The following CDCA7L variants were observed in gnomAD, a reference collection of about 807,000 sequenced individuals.
CDCA7L encodes cell division cycle-associated 7-like protein.
Under a neutral mutation model 57.4 loss-of-function variants are expected in CDCA7L, and 44 were observed. The observed-to-expected ratio is 0.77, with a 90% CI of 0.60 to 0.98. The LOEUF (loss-of-function observed/expected upper bound fraction) is 0.98. CDCA7L is among the 50% of genes least tolerant of loss of function. The pLI is 0.00. For synonymous variants in CDCA7L, 236 were observed against 202.8 expected, an observed-to-expected ratio of 1.16 and a Z score of -1.39; for missense variants, 644 against 580.6, an observed-to-expected ratio of 1.11 and a Z score of -1.12.
intron 1 of CDCA7L, among the ~76,000 whole-genome samples, chr7:21,929,762 G>A (rs1785948600): frequency 6.6e-6 from 1 of 150,498 alleles, no homozygotes; most frequent in Non-Finnish European, 1.5e-5. Flanking sequence ...AATCCAACAA[G>A]AGCAGCTAAC....
intron 1 of CDCA7L, among the ~76,000 whole-genome samples, chr7:21,939,553 G>A (rs1042650962): frequency 5.3e-5 from 8 of 152,138 alleles, no homozygotes; most frequent in East Asian, 1.9e-4. Flanking sequence ...TCCTCCTCCA[G>A]GGAGGTCAGC....
chr7:21,921,008 C>G (rs1785632235), intron 1 of CDCA7L, among the ~76,000 whole-genome samples: 1 of 152,090 alleles, frequency 6.6e-6, no homozygotes, highest in Non-Finnish European at 1.5e-5. Context: ...GAGGAGCACC[C>G]CATTTATGGA....
At chr7:21,911,129 A>G (rs546899913) in intron 3 of CDCA7L, among the ~76,000 whole-genome samples, 1 of 143,866 alleles carries the variant, frequency 7.0e-6, no homozygotes, top group Admixed American at 7.5e-5. Flanking sequence ...TCCCGGCTTC[A>G]AGAAATCCTC....
At position 21,901,114 on chromosome 7, in the gene CDCA7L, G is replaced by A; in HGVS notation, c.*1208C>T. The A allele has an allele frequency of 6.2e-7, 1 of 1,613,414 alleles. No individual in the cohort carries two copies. The highest frequency in any genetic ancestry group is 1.3e-5 in the African/African-American group (1 of 75,030). ...AAAAGCCACCCCCGTGGACAGACAA[G>A]AAACCAAACAGACCTACGAGTGCCC... On this transcript the variant is annotated 3_prime_UTR_variant, in exon 10 of 10. Coordinates refer to ENST00000406877, the MANE Select transcript of CDCA7L (RefSeq NM_018719.5).
At chr7:21,939,818 C>T (rs1377304992) in intron 1 of CDCA7L, among the ~76,000 whole-genome samples, 5 of 152,130 alleles carry the variant, frequency 3.3e-5, no homozygotes, top group East Asian at 3.8e-4. Context: ...TTTGTTACCA[C>T]GACTACCATG....
At chr7:21,921,319 T>G (rs1231151313) in intron 1 of CDCA7L, among the ~76,000 whole-genome samples, 2 of 115,660 alleles carry the variant, frequency 1.7e-5, no homozygotes, top group Non-Finnish European at 3.4e-5. Flanking sequence ...GAGTTTCAGA[T>G]AGTCACAAGC....
At chr7:21,942,899 G>C (rs1274026848) in intron 1 of CDCA7L, among the ~76,000 whole-genome samples, 2 of 152,214 alleles carry the variant, frequency 1.3e-5, no homozygotes, top group African/African-American at 4.8e-5. Context: ...GCACTTTGCA[G>C]CTAAGAGACC....
chr7:21,932,317 G>A (rs138998567), intron 1 of CDCA7L, among the ~76,000 whole-genome samples: 1,818 of 152,164 alleles, frequency 0.012, 33 homozygotes, highest in African/African-American at 0.042. Flanking sequence ...ATTTCATGTG[G>A]AACCAAAAAT....
chr7:21,942,778 A>C (rs1227122784), intron 1 of CDCA7L, among the ~76,000 whole-genome samples: 1 of 152,176 alleles, frequency 6.6e-6, no homozygotes, highest in Non-Finnish European at 1.5e-5. Context: ...AACACAGAAC[A>C]ACCAAGGAGC....
rs1408912342 is a variant in CDCA7L at position 21,906,201 on chromosome 7, C to A, written c.921+88G>T. On this transcript the variant is annotated intron_variant, in intron 6 of 9. Coordinates refer to ENST00000406877, the MANE Select transcript of CDCA7L (RefSeq NM_018719.5). ...CTGCCGCAGACCCACGGGGTCAGAA[C>A]CAGCCCTGGGGTGACAGTGACGTGC... The A allele has an allele frequency of 2.0e-5, 27 of 1,334,104 alleles. 1 individual carries two copies. In the South Asian group the frequency reaches 3.6e-4, roughly 18 times the overall value. The allele number at this position is 1,334,104 out of a possible 1,614,324, so 82.6% of individuals were successfully genotyped here.
Position 21,916,819 on chromosome 7 carries a change from G to C in CDCA7L, c.100C>G (p.Pro34Ala). Residue 34 changes from proline to alanine, a missense_variant, in exon 2 of 10, where the codon CCC becomes GCC. Pro to Ala is a conservative substitution (Grantham distance 27). Coordinates refer to ENST00000406877, the MANE Select transcript of CDCA7L (RefSeq NM_018719.5). Reference sequence around the variant, plus strand: ...TCCTCTGACGAGAGGGTTTCCATGGGAACATCATCTCGGAAGCCAACAAAC... The same window carrying C: ...TCCTCTGACGAGAGGGTTTCCATGGCAACATCATCTCGGAAGCCAACAAAC... ...EEFVGFRDDV[P>A]METLSSEESC... The C allele has an allele frequency of 1.2e-6, 2 of 1,614,000 alleles. No homozygotes were observed. Among genetic ancestry groups the C allele is most frequent in the Non-Finnish European group, 1.7e-6 (2 of 1,179,896 alleles).
chr7:21,911,880 CAAT>C, intron 2 of CDCA7L, 126 bp from the exon 3 acceptor site: 1 of 736,874 alleles, frequency 1.4e-6, no homozygotes, highest in South Asian at 1.8e-5. Context: ...GGATGGACAA[CAAT>C]GTGAATGTAC....
At chr7:21,920,956 G>A (rs1785630747) in intron 1 of CDCA7L, among the ~76,000 whole-genome samples, 1 of 152,138 alleles carries the variant, frequency 6.6e-6, no homozygotes, top group Non-Finnish European at 1.5e-5. Flanking sequence ...AAACAGCCCT[G>A]CTGGCCCAGA....
rs1785136351 is a variant in CDCA7L, at chr7:21,906,294, T to C, written c.916A>G (p.Ile306Val). Residue 306 changes from isoleucine to valine, a missense_variant, in exon 6 of 10, where the codon ATT becomes GTT. Coordinates refer to ENST00000406877, the MANE Select transcript of CDCA7L (RefSeq NM_018719.5). ...EFYSFRRRKT[I>V]GGKCREYRRR... ...ATGTATTAGTCAGAAAATACCCCAA[T>C]TGTCTTCCTTCTTCGGAAGCTGTAA... is the stretch of plus-strand genomic sequence containing the variant. 8 of 1,594,320 alleles carry C rather than the reference T, an allele frequency of 5.0e-6. No homozygotes were observed. Among genetic ancestry groups the C allele is most frequent in the South Asian group, 1.1e-5 (1 of 88,824 alleles).
chr7:21,905,519 T>C lies in CDCA7L; in HGVS notation c.1034A>G (p.Tyr345Cys), dbSNP rs760100535. The change falls in exon 7 of 10, where the codon TAT becomes TGT. Residue 345 changes from tyrosine to cysteine, a missense_variant. Coordinates refer to ENST00000406877, the MANE Select transcript of CDCA7L (RefSeq NM_018719.5). ...NVAITVRDKIYDKVLGNTCHQ... is the reference protein window; with the variant it reads ...NVAITVRDKICDKVLGNTCHQ... ...TGTATACTTTACCAGAACTTTATCA[T>C]AGATTTTATCTCGAACAGTTATGGC... 4 of 1,613,934 alleles carry C rather than the reference T, an allele frequency of 2.5e-6. No homozygotes were observed. The highest frequency in any genetic ancestry group is 1.7e-5 in the Admixed American group (1 of 60,024).
chr7:21,902,695 T>TGTTTGTTTGTTCCTTCCATTTCTGTCA, intron 9 of CDCA7L: 1 of 212,408 alleles, frequency 4.7e-6, no homozygotes, highest in Non-Finnish European at 9.5e-6. Context: ...CAGCCTGCCT[T>TGTTTGTTTGTTCCTTCCATTTCTGTCA]GTTTGTTTGT....
In CDCA7L at chr7:21,945,886, C is replaced by G. The variant is rs1279753158; in HGVS notation, c.-82G>C. On this transcript the variant is annotated 5_prime_UTR_variant, in exon 1 of 10. Coordinates refer to ENST00000406877, the MANE Select transcript of CDCA7L (RefSeq NM_018719.5). ...ACCACGGCCCGGCGCACCAAGAACGCCCCGCGCCCGAGCAGCTAGCGCGCT... is the reference window on the plus strand; with the variant it reads ...ACCACGGCCCGGCGCACCAAGAACGGCCCGCGCCCGAGCAGCTAGCGCGCT... 1 of 1,464,176 alleles carries G rather than the reference C, an allele frequency of 6.8e-7. No individual in the cohort carries two copies. The highest frequency in any genetic ancestry group is 2.4e-5 in the Admixed American group (1 of 42,318). 90.7% of individuals were successfully genotyped at this position (1,464,176 alleles called of 1,614,324 possible).
chr7:21,901,632 A>C lies in CDCA7L; in HGVS notation c.*690T>G, dbSNP rs564479595. 1 of 160,676 alleles carries C rather than the reference A, an allele frequency of 6.2e-6. No individual in the cohort carries two copies. The highest frequency in any genetic ancestry group is 1.8e-4 in the East Asian group (1 of 5,494). The allele number at this position is 160,676 out of a possible 1,614,324, so 10.0% of individuals were successfully genotyped here. On this transcript the variant is annotated 3_prime_UTR_variant, in exon 10 of 10. Transcript: ENST00000406877. ...GAACATGCAAAAGCAATGCAGCCGGAAAGAACGGAGATTTTAATTTTTAAC... is the reference window on the plus strand; with the variant it reads ...GAACATGCAAAAGCAATGCAGCCGGCAAGAACGGAGATTTTAATTTTTAAC...
intron 1 of CDCA7L, among the ~76,000 whole-genome samples, chr7:21,923,055 C>T (rs1008963713): frequency 3.0e-4 from 46 of 152,290 alleles, no homozygotes; most frequent in African/African-American, 1.0e-3. Flanking sequence ...ACAGATTCAG[C>T]TTTCCAAGAT....
Sources: allele counts gnomAD v4.1 joint callset (sites outside exome capture counted in the v4.1 genomes callset), GRCh38; gene constraint gnomAD v4.1.1; transcripts MANE v1.5; gene names NCBI Gene and HGNC (gene_info 2026-07-23, HGNC 2026-07-21).